Variants in HEPHL1 observed in about 807,000 individuals in gnomAD.
HEPHL1 encodes the protein ferroxidase HEPHL1.
HEPHL1 carries 123 observed loss-of-function variants against 122.0 expected under a neutral mutation model. The ratio of observed to expected loss-of-function variants is 1.01; its 90% CI spans 0.87 to 1.17. The LOEUF (loss-of-function observed/expected upper bound fraction) is 1.17, where lower values mean the gene tolerates loss of function less well. Among genes scored for constraint, HEPHL1 ranks in the 50% most tolerant of loss-of-function variants. The pLI is 0.00. For synonymous variants in HEPHL1, 527 were observed against 508.9 expected (o/e 1.04, Z -0.48); for missense variants, 1,452 against 1,430.5 (o/e 1.01, Z -0.24).
chr11:94,029,175 G>C (rs766981963), intron 1 of HEPHL1, among the ~76,000 whole-genome samples: 3 of 152,292 alleles, frequency 2.0e-5, no homozygotes, highest in Admixed American at 1.3e-4. Flanking sequence ...TTTGTGTGAA[G>C]TATCTTCCTA....
At chr11:94,055,489 C>T in intron 2 of HEPHL1, 1 of 240,620 alleles carries the variant, frequency 4.2e-6, no homozygotes, top group South Asian at 5.0e-5. Flanking sequence ...CCAGGATGAG[C>T]TCAAAGGTGG....
intron 1 of HEPHL1, among the ~76,000 whole-genome samples, chr11:94,045,275 AATTATC>A (rs1470622018): frequency 2.6e-5 from 4 of 152,208 alleles, no homozygotes; most frequent in Admixed American, 6.5e-5. Context: ...CTTGACACTT[AATTATC>A]TAAGCCCATT....
chr11:94,099,156 G>A (rs1011506976), intron 13 of HEPHL1, among the ~76,000 whole-genome samples: 4 of 152,098 alleles, frequency 2.6e-5, no homozygotes, highest in African/African-American at 9.7e-5. Flanking sequence ...ATCTACCTTT[G>A]GTCTTTGATG....
chr11:94,098,531 C>T (rs554283976), intron 13 of HEPHL1, among the ~76,000 whole-genome samples: 4 of 152,266 alleles, frequency 2.6e-5, no homozygotes, highest in African/African-American at 9.6e-5. Context: ...GTGGCATTCT[C>T]TGTATTTCCT....
chr11:94,025,081 C>T (rs1441474476), intron 1 of HEPHL1, among the ~76,000 whole-genome samples: 2 of 152,050 alleles, frequency 1.3e-5, no homozygotes, highest in African/African-American at 2.4e-5. Context: ...AGGACGAGAT[C>T]GAAAATGAAT....
chr11:94,097,231 T>C (rs58034961), intron 13 of HEPHL1, among the ~76,000 whole-genome samples: 4,020 of 152,306 alleles, frequency 0.026, 190 homozygotes, highest in African/African-American at 0.092. Context: ...TTTGTTCTCA[T>C]TGGTTTCAAA....
At chr11:94,107,131 A>G (rs1168174871) in intron 17 of HEPHL1, among the ~76,000 whole-genome samples, 1 of 152,248 alleles carries the variant, frequency 6.6e-6, no homozygotes, top group Non-Finnish European at 1.5e-5. Flanking sequence ...GAAAAGAACA[A>G]TCATATCCAA....
chr11:94,073,272 A>G, intron 7 of HEPHL1, 36 bp from the exon 8 acceptor site: 2 of 1,608,076 alleles, frequency 1.2e-6, no homozygotes, highest in Non-Finnish European at 1.7e-6. Flanking sequence ...GTCTCTTTTC[A>G]TTCTCTTCTC....
chr11:94,097,027 G>T (rs1303155414), intron 13 of HEPHL1, among the ~76,000 whole-genome samples: 2 of 152,044 alleles, frequency 1.3e-5, no homozygotes, highest in Non-Finnish European at 2.9e-5. Flanking sequence ...CTTCAGTTCT[G>T]CTCTGATCTT....
intron 13 of HEPHL1, among the ~76,000 whole-genome samples, chr11:94,094,242 T>G (rs1185969277): frequency 3.3e-5 from 5 of 151,608 alleles, no homozygotes; most frequent in Admixed American, 6.6e-5. Flanking sequence ...AGTGAGAACA[T>G]GTGGTGTTTG....
rs1358761861 is a variant in HEPHL1 at position 94,063,668 on chromosome 11, C to T, written c.576C>T (p.Ala192=). 1.9e-6 allele frequency: 3 copies of T among 1,613,724 alleles called. No homozygotes were observed. The highest frequency in any genetic ancestry group is 2.2e-5 in the East Asian group (1 of 44,892). ...GGGTGTACCATTCGCACATCGACGC[C>T]CCAAAGGACATCTGCTCTGGGCTAA... ...LTWVYHSHID[A]PKDICSGLIG... The change falls in exon 3 of 20, where the codon GCC becomes GCT. Residue 192 remains alanine (A), a synonymous_variant. Transcript: ENST00000315765.
intron 13 of HEPHL1, among the ~76,000 whole-genome samples, chr11:94,094,903 C>T (rs886877191): frequency 1.4e-4 from 21 of 152,124 alleles, no homozygotes; most frequent in African/African-American, 4.8e-4. Flanking sequence ...TAGCCCTTTG[C>T]CAGATGATTA....
In HEPHL1 at chr11:94,054,060, C is replaced by T. The variant is rs375069568; in HGVS notation, c.415+8143C>T. ...ATTGAGAGTTGAGTATTGAAATCTT[C>T]AACAATTATTGTTGAGTTGTCTATT... is the stretch of plus-strand genomic sequence containing the variant. On this transcript the variant is annotated intron_variant, in intron 2 of 19. Coordinates refer to ENST00000315765, the MANE Select transcript of HEPHL1 (RefSeq NM_001098672.2). 6.6e-5 allele frequency among the ~76,000 whole-genome samples: 10 copies of T among 152,274 alleles called. No homozygotes were observed. In the South Asian group the frequency reaches 1.5e-3, roughly 22 times the overall value.
At chr11:94,047,104 T>G (rs958344042) in intron 2 of HEPHL1, among the ~76,000 whole-genome samples, 14 of 152,188 alleles carry the variant, frequency 9.2e-5, no homozygotes, top group African/African-American at 3.4e-4. Flanking sequence ...CCACCTGGAG[T>G]GCAGCCAAGA....
At chr11:94,052,301 T>C (rs57953549) in intron 2 of HEPHL1, among the ~76,000 whole-genome samples, 1 of 152,006 alleles carries the variant, frequency 6.6e-6, no homozygotes. Flanking sequence ...CTTTCATCAG[T>C]GTTTTATAGT....
At position 94,093,971 on chromosome 11, in the gene HEPHL1, G is replaced by GATATATATATATATATATATAT. The variant is rs201036709; in HGVS notation, c.2434+353_2434+374dup. ...AAATTTTCTTTTAAATCCTCCAGCA[G>GATATATATATATATATATATAT]ATATATATATATATATATATATATA... On this transcript the variant is annotated intron_variant, in intron 13 of 19. Transcript: ENST00000315765. Among the ~76,000 whole-genome samples the GATATATATATATATATATATAT allele has an allele frequency of 1.3e-3, 94 of 72,622 alleles. 1 individual carries two copies. Among genetic ancestry groups the GATATATATATATATATATATAT allele is most frequent in the South Asian group, 2.5e-3 (4 of 1,628 alleles). The allele number at this position is 72,622 out of a possible 152,430, so 47.6% of individuals were successfully genotyped here. A position where few individuals can be genotyped will look rare whatever the true frequency, so the allele number is the denominator to read the frequency against.
At position 94,114,073 on chromosome 11, in the gene HEPHL1, T is replaced by C. The variant is rs571523036; in HGVS notation, c.*2179T>C. Among the ~76,000 whole-genome samples the C allele has an allele frequency of 1.3e-5, 2 of 152,348 alleles. No individual in the cohort carries two copies. Among genetic ancestry groups the C allele is most frequent in the South Asian group, 2.1e-4 (1 of 4,822 alleles). ...TCTCTTCATTTGACTTTGGGTCTCA[T>C]TGCTTCTTGCTTTCTCAAGACTTCA... On this transcript the variant is annotated 3_prime_UTR_variant, in exon 20 of 20. Coordinates refer to ENST00000315765, the MANE Select transcript of HEPHL1 (RefSeq NM_001098672.2).
chr11:94,070,551 C>A lies in HEPHL1; in HGVS notation c.1232+9C>A, dbSNP rs1878799. 1.3e-5 allele frequency: 21 copies of A among 1,601,222 alleles called. No homozygotes were observed. The highest frequency in any genetic ancestry group is 1.1e-4 in the East Asian group (5 of 44,564). On this transcript the variant is annotated intron_variant, in intron 6 of 19. Coordinates refer to ENST00000315765, the MANE Select transcript of HEPHL1 (RefSeq NM_001098672.2). ...CTAAACGCCTCTGGCAGGTAAGCAC[C>A]CTTTGTTGGTGTTTCTAAGCCTCTC...
intron 1 of HEPHL1, among the ~76,000 whole-genome samples, chr11:94,031,529 C>A (rs1390917899): frequency 6.6e-6 from 1 of 152,176 alleles, no homozygotes; most frequent in South Asian, 2.1e-4. Flanking sequence ...AGTTGAAGAA[C>A]ATTTTGGTCT....
Sources: gnomAD v4.1 joint callset for allele counts (sites outside exome capture counted in the v4.1 genomes callset) on GRCh38, gnomAD v4.1.1 for gene constraint, MANE v1.5 for transcripts, NCBI Gene and HGNC (gene_info 2026-07-23, HGNC 2026-07-21) for gene names.